AKAP13: variants seen among roughly 807,000 people sequenced by gnomAD.
AKAP13 encodes A-kinase anchoring protein 13.
In AKAP13, 80 loss-of-function variants were observed where a neutral mutation model predicts 264.5. That is an observed-to-expected ratio of 0.30 (90% CI 0.25 to 0.36). The LOEUF (loss-of-function observed/expected upper bound fraction) is 0.36. Among genes scored for constraint, AKAP13 ranks in the 10% least tolerant of loss-of-function variants. The probability of loss-of-function intolerance (pLI) is 1.00; values close to 1 mark genes in which losing one functional copy is unlikely to be tolerated. For missense variants in AKAP13, 3,712 were observed against 3,435.2 expected (o/e 1.08, Z -2.01); for synonymous variants, 1,380 against 1,250.2 (o/e 1.10, Z -2.19).
intron 9 of AKAP13, 110 bp from the exon 10 acceptor site, chr15:85,645,704 TGAGA>T: frequency 1.8e-6 from 2 of 1,108,580 alleles, no homozygotes; most frequent in South Asian, 1.7e-5. Flanking sequence ...GAGAAAAGAG[TGAGA>T]GAGAGATTTA....
chr15:85,504,530 A>AAAAAAAAAAAG (rs2076142896), intron 2 of AKAP13, among the ~76,000 whole-genome samples: 1 of 124,208 alleles, frequency 8.1e-6, no homozygotes, highest in South Asian at 2.6e-4. Context: ...AAAAAAAAAA[A>AAAAAAAAAAAG]AAAAAGAAAA....
intron 8 of AKAP13, among the ~76,000 whole-genome samples, chr15:85,623,491 A>G (rs1426992282): frequency 6.6e-6 from 1 of 152,134 alleles, no homozygotes; most frequent in Non-Finnish European, 1.5e-5. Flanking sequence ...CCCACGCTTT[A>G]TTTGGCTGCT....
chr15:85,607,530 G>A (rs568068561), intron 8 of AKAP13, among the ~76,000 whole-genome samples: 13 of 152,122 alleles, frequency 8.5e-5, no homozygotes, highest in African/African-American at 2.4e-4. Flanking sequence ...GAACAGAAAG[G>A]TTTTAAAACT....
intron 8 of AKAP13, among the ~76,000 whole-genome samples, chr15:85,621,850 C>T (rs73452486): frequency 0.043 from 6,465 of 152,082 alleles, 455 homozygotes; most frequent in African/African-American, 0.15. Flanking sequence ...TTTGTTTTCC[C>T]CACAAACCTA....
intron 2 of AKAP13, among the ~76,000 whole-genome samples, chr15:85,495,071 A>G (rs895801953): frequency 4.6e-5 from 7 of 152,206 alleles, no homozygotes; most frequent in Admixed American, 1.3e-4. Context: ...GTGACTTTTG[A>G]TATAGGAAAG....
intron 1 of AKAP13, among the ~76,000 whole-genome samples, chr15:85,396,965 A>G (rs1173741111): frequency 2.9e-5 from 4 of 135,778 alleles, no homozygotes; most frequent in Non-Finnish European, 6.2e-5. Context: ...GAATGCTATG[A>G]TTTATACATA....
intron 8 of AKAP13, among the ~76,000 whole-genome samples, chr15:85,630,706 A>G (rs2081739330): frequency 6.6e-6 from 1 of 152,200 alleles, no homozygotes; most frequent in African/African-American, 2.4e-5. Flanking sequence ...AGATTTTAAA[A>G]TAGATTTTTC....
chr15:85,611,550 A>G (rs1162269849), intron 8 of AKAP13, among the ~76,000 whole-genome samples: 2 of 152,222 alleles, frequency 1.3e-5, no homozygotes, highest in East Asian at 3.8e-4. Flanking sequence ...AGCTGAGTTC[A>G]CACTGCCATC....
At chr15:85,463,422 G>C (rs2074600281) in intron 1 of AKAP13, among the ~76,000 whole-genome samples, 1 of 152,184 alleles carries the variant, frequency 6.6e-6, no homozygotes, top group South Asian at 2.1e-4. Context: ...GATTTATCAA[G>C]CCTGACTGAT....
intron 10 of AKAP13, among the ~76,000 whole-genome samples, chr15:85,646,940 G>C (rs956354072): frequency 2.6e-5 from 4 of 152,240 alleles, no homozygotes; most frequent in Admixed American, 2.6e-4. Flanking sequence ...TCAATTATAT[G>C]CCACAAGTGG....
chr15:85,508,802 C>T (rs544244181), intron 2 of AKAP13, among the ~76,000 whole-genome samples: 4 of 152,142 alleles, frequency 2.6e-5, no homozygotes, highest in Non-Finnish European at 5.9e-5. Flanking sequence ...TTTTTGAACA[C>T]GCTGAGTTTG....
chr15:85,725,317 C>A (rs1435354174), intron 26 of AKAP13, among the ~76,000 whole-genome samples: 1 of 151,812 alleles, frequency 6.6e-6, no homozygotes, highest in African/African-American at 2.4e-5. Context: ...TTTCTCTGAT[C>A]CACTGACACT....
intron 8 of AKAP13, among the ~76,000 whole-genome samples, chr15:85,630,232 G>A (rs1361156073): frequency 6.2e-5 from 1 of 16,130 alleles, no homozygotes; most frequent in Non-Finnish European, 1.5e-4. Context: ...ATGGAAAATT[G>A]TAACACACAC....
chr15:85,716,420 C>T (rs563929751), intron 20 of AKAP13, among the ~76,000 whole-genome samples: 59 of 151,964 alleles, frequency 3.9e-4, no homozygotes, highest in Non-Finnish European at 7.5e-4. Flanking sequence ...TTCTCACTCA[C>T]TCGTTTGCAC....
At position 85,708,193 on chromosome 15, in the gene AKAP13, C is replaced by G. The variant is rs954466478; in HGVS notation, c.5532+107C>G. 95 of 1,010,338 alleles carry G rather than the reference C, an allele frequency of 9.4e-5. No homozygotes were observed. The highest frequency in any genetic ancestry group is 1.3e-4 in the Non-Finnish European group (88 of 692,004). 62.6% of individuals were successfully genotyped at this position (1,010,338 alleles called of 1,614,324 possible). A position where few individuals can be genotyped will look rare whatever the true frequency, so the allele number is the denominator to read the frequency against. On this transcript the variant is annotated intron_variant, in intron 18 of 36. Transcript: ENST00000394518. This position sits in a 1 kb window ranked among gnomAD's most constrained non-coding sequence, Gnocchi z 4.3. ...TGTGGTGGATTTTGTTTATTTTAAT[C>G]ATTTGGTACCAACTTTGAGAACAAA...
intron 8 of AKAP13, among the ~76,000 whole-genome samples, chr15:85,625,927 G>A (rs766704253): frequency 2.0e-5 from 3 of 152,172 alleles, no homozygotes; most frequent in African/African-American, 4.8e-5. Context: ...GCAGAAGGAG[G>A]GGGGAGATGT....
intron 1 of AKAP13, among the ~76,000 whole-genome samples, chr15:85,434,706 G>A (rs2073192222): frequency 1.3e-5 from 2 of 152,116 alleles, no homozygotes; most frequent in African/African-American, 4.8e-5. Flanking sequence ...CCCCAGCAGG[G>A]GCACACTGAC....
intron 1 of AKAP13, among the ~76,000 whole-genome samples, chr15:85,472,567 A>G (rs904113229): frequency 6.6e-6 from 1 of 152,120 alleles, no homozygotes; most frequent in South Asian, 2.1e-4. Flanking sequence ...AAACTTCTCA[A>G]GGGAGGAGAT....
chr15:85,510,920 T>C (rs963450636), intron 2 of AKAP13, among the ~76,000 whole-genome samples: 3 of 152,170 alleles, frequency 2.0e-5, no homozygotes, highest in Non-Finnish European at 4.4e-5. Flanking sequence ...GAGAGAGATA[T>C]GGCAAATCCC....
Sources: gnomAD v4.1 joint callset for allele counts (sites outside exome capture counted in the v4.1 genomes callset) on GRCh38, gnomAD v4.1.1 for gene constraint, Gnocchi (gnomAD v3.1) non-coding constraint, MANE v1.5 for transcripts, NCBI Gene and HGNC (gene_info 2026-07-23, HGNC 2026-07-21) for gene names.